DIP2A: variants seen among roughly 807,000 people sequenced by gnomAD.
DIP2A encodes disco-interacting protein 2 homolog A.
In DIP2A, 85 loss-of-function variants were observed where a neutral mutation model predicts 177.4. The observed-to-expected ratio is 0.48, with a 90% CI of 0.40 to 0.57. The LOEUF is 0.57. Ranked by LOEUF, DIP2A falls within the 20% of genes least tolerant of loss-of-function variation. DIP2A has a pLI of 0.00. For synonymous variants in DIP2A, 886 were observed against 881.8 expected (o/e 1.00, Z -0.08); for missense variants, 1,791 against 2,100.2 (o/e 0.85, Z 2.88).
chr21:46,487,719 A>G (rs2056774740), intron 2 of DIP2A, among the ~76,000 whole-genome samples: 1 of 152,236 alleles, frequency 6.6e-6, no homozygotes, highest in Non-Finnish European at 1.5e-5. Context: ...TTCATAATGA[A>G]AACAAACTGT....
intron 2 of DIP2A, among the ~76,000 whole-genome samples, chr21:46,489,111 GTGTGTGTGTGGA>G (rs780269681): frequency 6.6e-5 from 10 of 151,654 alleles, no homozygotes; most frequent in East Asian, 1.9e-4. Context: ...GTGTGTGTGG[GTGTGTGTGTGGA>G]TGTGTGTGTG....
chr21:46,464,796 C>T (rs941331951), intron 1 of DIP2A, among the ~76,000 whole-genome samples: 11 of 120,414 alleles, frequency 9.1e-5, no homozygotes, highest in African/African-American at 3.5e-4. Flanking sequence ...TGAGTTTCTT[C>T]CTTTTTCTTA....
intron 8 of DIP2A, among the ~76,000 whole-genome samples, chr21:46,521,951 A>G (rs2058841802): frequency 4.5e-3 from 1 of 222 alleles, no homozygotes; most frequent in Non-Finnish European, 0.01. Context: ...TTCCGTGCAC[A>G]TTTCACACTT....
At chr21:46,524,262 C>T (rs1330678274) in intron 8 of DIP2A, among the ~76,000 whole-genome samples, 1 of 152,186 alleles carries the variant, frequency 6.6e-6, no homozygotes, top group Admixed American at 6.5e-5. Context: ...CCTCTAACCC[C>T]TTATATCTTA....
chr21:46,508,509 C>T (rs1325582520), intron 6 of DIP2A, among the ~76,000 whole-genome samples: 2 of 151,498 alleles, frequency 1.3e-5, no homozygotes, highest in East Asian at 4.0e-4. Flanking sequence ...CAGGCGCCCG[C>T]CACCACACCC....
chr21:46,496,081 AT>A (rs200586599), intron 3 of DIP2A, among the ~76,000 whole-genome samples: 2 of 60,464 alleles, frequency 3.3e-5, no homozygotes, highest in African/African-American at 6.4e-5. Context: ...AAAAAAAAAA[AT>A]TTTTTTTTCA....
At chr21:46,545,324 C>G (rs1370746967) in intron 19 of DIP2A, 51 bp downstream of exon 19, 2 of 1,561,390 alleles carry the variant, frequency 1.3e-6, no homozygotes, top group East Asian at 4.6e-5. Flanking sequence ...CATGAGCACT[C>G]ATGGGGTCCC....
chr21:46,496,966 T>C (rs372158611), intron 3 of DIP2A, 22 bp from the exon 4 acceptor site: 68 of 1,587,228 alleles, frequency 4.3e-5, no homozygotes, highest in Non-Finnish European at 5.5e-5. Flanking sequence ...AAAGTATTTT[T>C]ACTGCTGTCC....
the DIP2A span, among the ~76,000 whole-genome samples, chr21:46,575,368 C>T: frequency 2.1e-4 from 32 of 152,214 alleles, 1 homozygote; most frequent in South Asian, 6.2e-3. Flanking sequence ...AGATCAGAAA[C>T]ACAGCAAGGA....
Position 46,498,553 on chromosome 21 carries a change from C to A in DIP2A, c.404-29C>A. 6.3e-7 allele frequency: 1 copy of A among 1,581,454 alleles called. No homozygotes were observed. The highest frequency in any genetic ancestry group is 1.2e-5 in the South Asian group (1 of 85,792). On this transcript the variant is annotated intron_variant, in intron 4 of 37. Transcript: ENST00000417564. This position sits in a 1 kb window ranked among gnomAD's most constrained non-coding sequence, Gnocchi z 4.3. ...TCCTCCTCTTGACTCATCCCGATAT[C>A]ATGCCTGTCATCGTTATTTTAACCA...
At position 46,476,079 on chromosome 21, in the gene DIP2A, CAA is replaced by C. The variant is rs34733342; in HGVS notation, c.92-8662_92-8661del. Among the ~76,000 whole-genome samples, 1,292 of 134,540 alleles carry C rather than the reference CAA, an allele frequency of 9.6e-3. 14 individuals carry two copies. Among genetic ancestry groups the C allele is most frequent in the African/African-American group, 0.023 (842 of 36,008 alleles). 88.3% of individuals were successfully genotyped at this position (134,540 alleles called of 152,430 possible). A position where few individuals can be genotyped will look rare whatever the true frequency, so the allele number is the denominator to read the frequency against. On this transcript the variant is annotated intron_variant, in intron 1 of 37. Transcript: ENST00000417564. ...TGAAACCCCATCTCTACTAAAAATACAAAAAAAAAAAAAAAAATTAGCCAGGC... is the reference window on the plus strand; with the variant it reads ...TGAAACCCCATCTCTACTAAAAATACAAAAAAAAAAAAAAATTAGCCAGGC...
chr21:46,526,253 C>T lies in DIP2A; in HGVS notation c.1103-2839C>T, dbSNP rs1044738692. Among the ~76,000 whole-genome samples the T allele has an allele frequency of 4.6e-5, 7 of 152,120 alleles. No homozygotes were observed. In the East Asian group the frequency reaches 5.8e-4, roughly 13 times the overall value. ...TCTTCCAGCCCTTGGACATCTGTCCCTCCATTCAAATATTTTTTACTTTAT... is the reference window on the plus strand; with the variant it reads ...TCTTCCAGCCCTTGGACATCTGTCCTTCCATTCAAATATTTTTTACTTTAT... On this transcript the variant is annotated intron_variant, in intron 8 of 37. Coordinates refer to ENST00000417564, the MANE Select transcript of DIP2A (RefSeq NM_015151.4).
the DIP2A span, among the ~76,000 whole-genome samples, chr21:46,581,407 A>G: frequency 7.9e-5 from 12 of 152,104 alleles, no homozygotes; most frequent in Admixed American, 3.9e-4. Flanking sequence ...CTTTAGCTCA[A>G]TGGAGTTCGT....
rs150477785 is a variant in DIP2A at position 46,527,546 on chromosome 21, G to A, written c.1103-1546G>A. Among the ~76,000 whole-genome samples, 249 of 152,024 alleles carry A rather than the reference G, an allele frequency of 1.6e-3. 3 individuals carry two copies. The East Asian group carries it at 0.028, about 17-fold the overall frequency. ...TCACCGTGTTGACCAGTCTGGTCTC[G>A]AACTCCTGACCTCAGATGATCCACC... is the stretch of plus-strand genomic sequence containing the variant. On this transcript the variant is annotated intron_variant, in intron 8 of 37. Transcript: ENST00000417564.
chr21:46,541,120 G>T (rs2059800038), intron 17 of DIP2A, among the ~76,000 whole-genome samples: 1 of 151,734 alleles, frequency 6.6e-6, no homozygotes, highest in East Asian at 1.9e-4. Context: ...TTGTTCTATG[G>T]TGATTTGTTT....
intron 33 of DIP2A, chr21:46,561,492 G>C: frequency 1.8e-6 from 1 of 556,882 alleles, no homozygotes. Context: ...GTTCAGGGAG[G>C]ACCTAAACGA....
rs759320654 is a variant in DIP2A at position 46,566,562 on chromosome 21, C to T, written c.4342C>T (p.Arg1448Trp). 21 of 1,613,882 alleles carry T rather than the reference C, an allele frequency of 1.3e-5. No individual in the cohort carries two copies. Among genetic ancestry groups the T allele is most frequent in the Admixed American group, 3.3e-5 (2 of 59,994 alleles). Residue 1448 changes from arginine to tryptophan, a missense_variant and splice_region_variant, in exon 37 of 38, where the codon CGG (arginine) becomes TGG (tryptophan). Arg to Trp is a moderately radical substitution (Grantham distance 101). Transcript: ENST00000417564. Reference protein sequence around the residue: ...RTELTDASGGRHDALYVVGSL... With the variant: ...RTELTDASGGWHDALYVVGSL... ...GTGTAAACACACACTGTTCACAGGG[C>T]GGCACGATGCACTGTATGTGGTTGG...
At position 46,556,894 on chromosome 21, in the gene DIP2A, A is replaced by AACTTC. The variant is rs1355351729; in HGVS notation, c.3499-44_3499-43insCTTCA. ...CTGCCATCCACCCTCTCCCCTCCTG[A>AACTTC]ATTTCATTTCACTTTTTTTTTTTGA... On this transcript the variant is annotated intron_variant, in intron 29 of 37. Transcript: ENST00000417564. This position sits in a 1 kb window ranked among gnomAD's most constrained non-coding sequence, Gnocchi z 4.5. 2 of 1,497,108 alleles carry AACTTC rather than the reference A, an allele frequency of 1.3e-6. No homozygotes were observed. Among genetic ancestry groups the AACTTC allele is most frequent in the Admixed American group, 4.1e-5 (2 of 48,892 alleles). The allele number at this position is 1,497,108 out of a possible 1,614,324, so 92.7% of individuals were successfully genotyped here.
chr21:46,548,339 G>C (rs2060143469), intron 21 of DIP2A, among the ~76,000 whole-genome samples: 2 of 152,278 alleles, frequency 1.3e-5, no homozygotes, highest in Admixed American at 1.3e-4. Flanking sequence ...CCTGCTTTGA[G>C]GTGGAGCAGG....
Sources: gnomAD v4.1 joint callset for allele counts (sites outside exome capture counted in the v4.1 genomes callset) on GRCh38, gnomAD v4.1.1 for gene constraint, Gnocchi (gnomAD v3.1) non-coding constraint, MANE v1.5 for transcripts, NCBI Gene and HGNC (gene_info 2026-07-23, HGNC 2026-07-21) for gene names.